Variants in CCDC120 observed in about 807,000 individuals in gnomAD.
The protein encoded by CCDC120 is coiled-coil domain containing 120, also known as coiled-coil domain-containing protein 120.
CCDC120 carries 16 observed loss-of-function variants against 37.6 expected under a neutral mutation model. That is an observed-to-expected ratio of 0.43 (90% CI 0.29 to 0.65). CCDC120 has a LOEUF of 0.65. Among genes scored for constraint, CCDC120 ranks in the 30% least tolerant of loss-of-function variants. The pLI is 0.18. For synonymous variants in CCDC120, 309 were observed against 275.4 expected, an observed-to-expected ratio of 1.12 and a Z score of -1.21; for missense variants, 650 against 657.4, an observed-to-expected ratio of 0.99 and a Z score of 0.12.
At chrX:49,060,427 C>CAAGAAAAAAAAAA (rs2064871366) in intron 1 of CCDC120, among the ~76,000 whole-genome samples, 1 of 42,132 alleles carries the variant, frequency 2.4e-5, no homozygotes, top group Non-Finnish European at 3.7e-5. Flanking sequence ...GCCCTATCTC[C>CAAGAAAAAAAAAA]AAAAAAAAAA....
In CCDC120 at chrX:49,065,863, G is replaced by A. The variant is rs1557081067; in HGVS notation, c.1061+18G>A. 3 of 1,134,382 alleles carry A rather than the reference G, an allele frequency of 2.6e-6. No individual in the cohort carries two copies. Among genetic ancestry groups the A allele is most frequent in the African/African-American group, 1.8e-5 (1 of 55,117 alleles). 93.5% of individuals were successfully genotyped at this position (1,134,382 alleles called of 1,213,427 possible). On this transcript the variant is annotated intron_variant, in intron 9 of 10. Transcript: ENST00000603986. ...CTCTGCAAGTAAGGGGAATCTGAGG[G>A]TGGGCTGGAGGATCAGAGGGGAGGG... is the stretch of plus-strand genomic sequence containing the variant.
rs1373689310 is a variant in CCDC120 at position 49,062,089 on chromosome X, C to T, written c.48C>T (p.His16=). 2 of 1,155,695 alleles carry T rather than the reference C, an allele frequency of 1.7e-6. No homozygotes were observed. The highest frequency in any genetic ancestry group is 2.3e-6 in the Non-Finnish European group (2 of 872,736). The change falls in exon 2 of 11, where the codon CAC becomes CAT. Residue 16 remains histidine (H), a synonymous_variant. Coordinates refer to ENST00000603986, the MANE Select transcript of CCDC120 (RefSeq NM_001163321.4). ...AGGGCCAAGTGGGTCCAGACATCCA[C>T]ACGGATTCTGAAAGGGCAGGTCAAG... ...RYQGQVGPDI[H]TDSERTLSSH...
rs998116586 is a variant in CCDC120, at chrX:49,064,510, G to C, written c.570G>C (p.Arg190Ser). The change falls in exon 6 of 11, where the codon AGG becomes AGC. Residue 190 changes from arginine to serine, a missense_variant. Physicochemically the swap from Arg to Ser is moderately radical, Grantham distance 110 (BLOSUM62 -1). Coordinates refer to ENST00000603986, the MANE Select transcript of CCDC120 (RefSeq NM_001163321.4). ...GCCAGGTCCAGGCAGATGCACTGAG[G>C]AGGCTGCATGAGCTAGAGGAGCAGC... ...RRRQVQADAL[R>S]RLHELEEQLR... The C allele has an allele frequency of 3.4e-6, 4 of 1,182,563 alleles. No individual in the cohort carries two copies. The East Asian group carries it at 1.3e-4, about 37-fold the overall frequency.
intron 1 of CCDC120, among the ~76,000 whole-genome samples, chrX:49,059,802 AGGATGGGGGCCATGGGGTCACT>A (rs1399232632): frequency 2.1e-5 from 2 of 94,571 alleles, no homozygotes; most frequent in Non-Finnish European, 4.2e-5. Context: ...TCCCTGGGAC[AGGATGGGGGCCATGGGGTCACT>A]GGTAGGGGGA....
upstream of CCDC120, among the ~76,000 whole-genome samples, chrX:49,056,921 C>T (rs782578451): frequency 5.4e-5 from 6 of 111,996 alleles, no homozygotes; most frequent in Non-Finnish European, 7.5e-5. Context: ...ACAATAGCCC[C>T]GTGAGGTACA....
upstream of CCDC120, among the ~76,000 whole-genome samples, chrX:49,058,692 A>G (rs1425695800): frequency 8.9e-6 from 1 of 112,605 alleles, no homozygotes; most frequent in Non-Finnish European, 1.9e-5. Context: ...CCAGTTTTAA[A>G]AAAAATTTTT....
chrX:49,068,492 T>C, intron 10 of CCDC120, 52 bp from the exon 11 acceptor site: 8 of 1,052,704 alleles, frequency 7.6e-6, no homozygotes, highest in Non-Finnish European at 8.6e-6. Flanking sequence ...TGTCTTTTCT[T>C]CTTCTTGTCT....
intron 7 of CCDC120, 97 bp from the exon 8 acceptor site, chrX:49,065,357 G>A: frequency 1.0e-6 from 1 of 976,128 alleles, no homozygotes. Flanking sequence ...ACCTGTCCCA[G>A]CACTTTGCCC....
chrX:49,061,479 A>G, intron 1 of CCDC120, among the ~76,000 whole-genome samples: 1 of 112,826 alleles, frequency 8.9e-6, no homozygotes, highest in East Asian at 2.8e-4. Context: ...AATGGGACAG[A>G]TAATGTTTCC....
At position 49,067,196 on chromosome X, in the gene CCDC120, G is replaced by A. The variant is rs1383760452; in HGVS notation, c.1082G>A (p.Arg361His). 6.0e-5 allele frequency: 73 copies of A among 1,208,755 alleles called. No individual in the cohort carries two copies. The highest frequency in any genetic ancestry group is 8.0e-5 in the Non-Finnish European group (72 of 894,553). ...QLCKPEGLHS[R>H]QWSGSQDSQM... ...CCCAGACCTGAAGGCCTTCATTCTC[G>A]TCAGTGGTCCGGCAGCCAGGACTCC... The change falls in exon 10 of 11, where the codon CGT becomes CAT. Residue 361 changes from arginine to histidine, a missense_variant. Arg to His is a conservative substitution (Grantham distance 29, BLOSUM62 0). This residue lies in a region of CCDC120 where 576 missense variants were observed against 565.3 expected (regional missense o/e 1.02). Coordinates refer to ENST00000603986, the MANE Select transcript of CCDC120 (RefSeq NM_001163321.4).
chrX:49,063,937 C>T lies in CCDC120; in HGVS notation c.365C>T (p.Pro122Leu), dbSNP rs782722176. The change falls in exon 5 of 11, where the codon CCC (proline) becomes CTC (leucine). Residue 122 changes from proline to leucine, a missense_variant. Around this residue, in one of 3 missense-constraint regions of CCDC120, gnomAD observed 576 missense variants for 565.3 expected, o/e 1.02. Transcript: ENST00000603986. ...ERPQLVRRRP[P>L]TARAYPPPHP... The stretch of plus-strand genomic sequence containing the variant: ...CCCCAGTTGGTCCGCCGGCGGCCCC[C>T]CACAGCCCGCGCCTACCCTCCACCG... The T allele has an allele frequency of 7.4e-6, 9 of 1,208,758 alleles. No homozygotes were observed. Among genetic ancestry groups the T allele is most frequent in the Non-Finnish European group, 1.0e-5 (9 of 894,214 alleles).
rs1289676566 is a variant in CCDC120 at position 49,064,373 on chromosome X, C to G, written c.433C>G (p.Leu145Val). 8.6e-7 allele frequency: 1 copy of G among 1,162,502 alleles called. No individual in the cohort carries two copies. ...AHHSLCPAEE[L>V]ALEALEREVS... ...AACATTTGGGTGGGCCCAACAGGAG[C>G]TGGCTCTTGAGGCCCTGGAACGCGA... Residue 145 changes from leucine to valine, a missense_variant, in exon 6 of 11, where the codon CTG (leucine) becomes GTG (valine). Leu to Val is a conservative substitution (Grantham distance 32). Coordinates refer to ENST00000603986, the MANE Select transcript of CCDC120 (RefSeq NM_001163321.4).
At position 49,065,047 on chromosome X, in the gene CCDC120, C is replaced by G. The variant is rs1557080727; in HGVS notation, c.736C>G (p.Leu246Val). Residue 246 changes from leucine (L) to valine (V), a missense_variant, in exon 7 of 11, where the codon CTG becomes GTG. Around this residue, in one of 3 missense-constraint regions of CCDC120, gnomAD observed 576 missense variants for 565.3 expected, o/e 1.02. Coordinates refer to ENST00000603986, the MANE Select transcript of CCDC120 (RefSeq NM_001163321.4). ...CCTCTCACCTGTAGAGGACGTAGTTCTGCACTCAGAGAGCAGCTCCCTCTC... is the reference window on the plus strand; with the variant it reads ...CCTCTCACCTGTAGAGGACGTAGTTGTGCACTCAGAGAGCAGCTCCCTCTC... Reference protein sequence around the residue: ...LAQLSQEDVVLHSESSSLSES... With the variant: ...LAQLSQEDVVVHSESSSLSES... 3 of 1,211,560 alleles carry G rather than the reference C, an allele frequency of 2.5e-6. No homozygotes were observed. Among genetic ancestry groups the G allele is most frequent in the African/African-American group, 1.7e-5 (1 of 57,814 alleles).
chrX:49,065,655 G>A (rs1173696495), intron 8 of CCDC120, 27 bp downstream of exon 8: 5 of 1,204,351 alleles, frequency 4.2e-6, no homozygotes, highest in Middle Eastern at 2.3e-4. Flanking sequence ...CCTCCCCTCC[G>A]CAGGAGCTGG....
chrX:49,062,045 C>T lies in CCDC120; in HGVS notation c.4C>T (p.Arg2Ter), dbSNP rs1557079560. The stretch of plus-strand genomic sequence containing the variant: ...CCACTTGCTGTGCTCTCACTCAATG[C>T]GAAGGGAACCAAGGTACCAGGGCCA... M[R>*]REPRYQGQVG... is the part of the protein sequence containing the mutation. Residue 2 changes from arginine to a stop codon, truncating the protein, a stop_gained, in exon 2 of 11, where the codon CGA becomes TGA. Transcript: ENST00000603986. LOFTEE classifies it high-confidence loss of function. The T allele has an allele frequency of 6.1e-6, 7 of 1,154,593 alleles. No homozygotes were observed. The highest frequency in any genetic ancestry group is 5.7e-5 in the South Asian group (3 of 52,540).
In CCDC120 at chrX:49,064,740, C is replaced by T. The variant is rs914295140; in HGVS notation, c.724+76C>T. On this transcript the variant is annotated intron_variant, in intron 6 of 10. Coordinates refer to ENST00000603986, the MANE Select transcript of CCDC120 (RefSeq NM_001163321.4). ...GGTAGGGCTGGGATGGGTGACTGGC[C>T]GGTGAAAACCGGGAGGTAGGCACAA... The T allele has an allele frequency of 5.9e-5, 62 of 1,045,704 alleles. No individual in the cohort carries two copies. In the South Asian group the frequency reaches 1.2e-3, roughly 20 times the overall value. 86.2% of individuals were successfully genotyped at this position (1,045,704 alleles called of 1,213,427 possible).
At position 49,065,053 on chromosome X, in the gene CCDC120, T is replaced by G. The variant is rs1328738642; in HGVS notation, c.742T>G (p.Ser248Ala). Residue 248 changes from serine to alanine, a missense_variant, in exon 7 of 11, where the codon TCA becomes GCA. By Grantham distance (99) the Ser-to-Ala change is moderately conservative (BLOSUM62 1). Coordinates refer to ENST00000603986, the MANE Select transcript of CCDC120 (RefSeq NM_001163321.4). The stretch of plus-strand genomic sequence containing the variant: ...ACCTGTAGAGGACGTAGTTCTGCAC[T>G]CAGAGAGCAGCTCCCTCTCAGAGTC... ...QLSQEDVVLH[S>A]ESSSLSESGA... 1 of 1,209,456 alleles carries G rather than the reference T, an allele frequency of 8.3e-7. No individual in the cohort carries two copies. Among genetic ancestry groups the G allele is most frequent in the Non-Finnish European group, 1.1e-6 (1 of 894,899 alleles).
At chrX:49,068,138 G>A in intron 10 of CCDC120, 48 bp downstream of exon 10, 1 of 1,142,353 alleles carries the variant, frequency 8.8e-7, no homozygotes. Flanking sequence ...TAAGGCAGAT[G>A]GCGAAGATAT....
chrX:49,055,058 A>G (rs1557078181), upstream of CCDC120, among the ~76,000 whole-genome samples: 1 of 111,945 alleles, frequency 8.9e-6, no homozygotes, highest in Non-Finnish European at 1.9e-5. Flanking sequence ...AAGCAGCCCT[A>G]TGTGCCCTGC....
Sources: allele counts gnomAD v4.1 joint callset (sites outside exome capture counted in the v4.1 genomes callset), GRCh38; gene constraint gnomAD v4.1.1; regional missense constraint gnomAD v4.1.1; transcripts MANE v1.5; gene names NCBI Gene and HGNC (gene_info 2026-07-23, HGNC 2026-07-21).